Variants in NMT1 observed in about 807,000 individuals in gnomAD.
NMT1 encodes N-myristoyltransferase 1.
A neutral mutation model predicts 63.4 loss-of-function variants in NMT1; 12 were observed. The observed-to-expected ratio is 0.19, with a 90% CI of 0.12 to 0.31. NMT1 has a LOEUF of 0.31. NMT1 is among the 10% of genes least tolerant of loss of function. NMT1 has a pLI of 1.00. For missense variants in NMT1, 432 were observed against 634.6 expected, an observed-to-expected ratio of 0.68 and a Z score of 3.43; for synonymous variants, 228 against 234.3, an observed-to-expected ratio of 0.97 and a Z score of 0.25.
chr17:45,091,672 A>G (rs961210549), intron 3 of NMT1, among the ~76,000 whole-genome samples: 10 of 152,214 alleles, frequency 6.6e-5, no homozygotes, highest in Non-Finnish European at 1.0e-4. Flanking sequence ...TTTAATATAC[A>G]TAGCTGTCAG....
chr17:45,101,345 A>G (rs2054164439), intron 8 of NMT1, among the ~76,000 whole-genome samples: 1 of 146,916 alleles, frequency 6.8e-6, no homozygotes, highest in East Asian at 2.3e-4. Context: ...ATCCCTTCTC[A>G]GGTGGGCGGT....
chr17:45,063,741 C>T (rs925944550), intron 1 of NMT1, among the ~76,000 whole-genome samples: 1 of 151,774 alleles, frequency 6.6e-6, no homozygotes, highest in Non-Finnish European at 1.5e-5. Context: ...ACTAAAAATA[C>T]AAAATTTAGC....
chr17:45,084,857 TG>T (rs2054041935), intron 2 of NMT1, among the ~76,000 whole-genome samples: 2 of 152,122 alleles, frequency 1.3e-5, no homozygotes. Flanking sequence ...GAGAGCAAAT[TG>T]ATGATAAATC....
chr17:45,097,516 GT>G (rs1009662498), intron 6 of NMT1, among the ~76,000 whole-genome samples: 3 of 151,912 alleles, frequency 2.0e-5, no homozygotes, highest in Non-Finnish European at 4.4e-5. Flanking sequence ...TTTTGTTTTT[GT>G]TTATTATTTT....
In NMT1 at chr17:45,105,685, C is replaced by T; in HGVS notation, c.*46C>T. The T allele has an allele frequency of 6.3e-7, 1 of 1,590,506 alleles. No homozygotes were observed. The highest frequency in any genetic ancestry group is 8.6e-7 in the Non-Finnish European group (1 of 1,161,478). The stretch of plus-strand genomic sequence containing the variant: ...GGATAAAGCCACTGAAAATTCGAAC[C>T]AGGAAATGGAACCCCACCACTGTTG... On this transcript the variant is annotated 3_prime_UTR_variant, in exon 12 of 12. Coordinates refer to ENST00000258960, the MANE Select transcript of NMT1 (RefSeq NM_021079.5). This position sits in a 1 kb window ranked among gnomAD's most constrained non-coding sequence, Gnocchi z 4.2.
chr17:45,080,250 T>C (rs1413536904), intron 1 of NMT1, among the ~76,000 whole-genome samples: 1 of 151,742 alleles, frequency 6.6e-6, no homozygotes, highest in Non-Finnish European at 1.5e-5. Context: ...AACCTCTGCC[T>C]CCTGGGTTCA....
intron 1 of NMT1, among the ~76,000 whole-genome samples, chr17:45,074,316 G>A (rs953052649): frequency 1.3e-5 from 2 of 151,104 alleles, no homozygotes; most frequent in Non-Finnish European, 2.9e-5. Flanking sequence ...CTGGGTTCAC[G>A]CCATTCTCCT....
intron 3 of NMT1, among the ~76,000 whole-genome samples, chr17:45,087,198 C>A (rs946420880): frequency 1.3e-5 from 2 of 151,056 alleles, no homozygotes; most frequent in Admixed American, 6.6e-5. Context: ...AAAAAAAAAA[C>A]AAAACAAAAC....
chr17:45,104,978 C>G lies in NMT1; in HGVS notation c.1452C>G (p.Pro484=). Residue 484 remains proline, a synonymous_variant, in exon 11 of 12, where the codon CCC becomes CCG. Transcript: ENST00000258960. The surrounding 1 kb of genome is among the most constrained non-coding windows in gnomAD (Gnocchi z 4.2). ...ATTACCTTTACAATTGGAAATGCCC[C>G]AGCATGGGGGCAGAGAAGGTAGGCG... ...LQYYLYNWKC[P]SMGAEKVGLV... 1 of 1,614,156 alleles carries G rather than the reference C, an allele frequency of 6.2e-7. No homozygotes were observed. The highest frequency in any genetic ancestry group is 8.5e-7 in the Non-Finnish European group (1 of 1,180,018).
In NMT1 at chr17:45,096,229, T is replaced by C. The variant is rs151247418; in HGVS notation, c.540T>C (p.Tyr180=). Residue 180 remains tyrosine, a synonymous_variant, in exon 5 of 12, where the codon TAT becomes TAC. Coordinates refer to ENST00000258960, the MANE Select transcript of NMT1 (RefSeq NM_021079.5). ...TGTACACCCTCCTGAATGAGAACTA[T>C]GTGGAAGATGATGACAACATGTTCC... ...KELYTLLNEN[Y]VEDDDNMFRF... is the part of the protein sequence containing the mutation. The C allele has an allele frequency of 6.2e-7, 1 of 1,614,006 alleles. No homozygotes were observed. The highest frequency in any genetic ancestry group is 8.5e-7 in the Non-Finnish European group (1 of 1,179,956).
intron 1 of NMT1, among the ~76,000 whole-genome samples, chr17:45,068,165 C>T (rs1396243902): frequency 6.6e-6 from 1 of 152,098 alleles, no homozygotes; most frequent in Non-Finnish European, 1.5e-5. Context: ...TTGAGAGCGC[C>T]AAAAATACTA....
Position 45,097,050 on chromosome 17 carries a change from C to T in NMT1, c.597-78C>T, listed in dbSNP as rs994478045. On this transcript the variant is annotated intron_variant, in intron 5 of 11. Coordinates refer to ENST00000258960, the MANE Select transcript of NMT1 (RefSeq NM_021079.5). ...GGAGGTGGTAGCACCAGGTCCGAACCAAATTTGGCTGTGGAGCCCAAGCGG... is the reference window on the plus strand; with the variant it reads ...GGAGGTGGTAGCACCAGGTCCGAACTAAATTTGGCTGTGGAGCCCAAGCGG... 82 of 1,192,088 alleles carry T rather than the reference C, an allele frequency of 6.9e-5. No individual in the cohort carries two copies. The African/African-American group carries it at 1.2e-3, about 17-fold the overall frequency. The allele number at this position is 1,192,088 out of a possible 1,614,324, so 73.8% of individuals were successfully genotyped here.
intron 2 of NMT1, among the ~76,000 whole-genome samples, chr17:45,083,128 A>G (rs1410956298): frequency 2.6e-5 from 4 of 152,040 alleles, no homozygotes; most frequent in Admixed American, 2.6e-4. Flanking sequence ...CAGCCTGGCC[A>G]ACATGGTGAA....
At chr17:45,098,065 G>C (rs1230239950) in intron 6 of NMT1, among the ~76,000 whole-genome samples, 3 of 152,180 alleles carry the variant, frequency 2.0e-5, no homozygotes, top group African/African-American at 7.2e-5. Context: ...TGGGTTCCCT[G>C]TGCTGCTTCC....
intron 1 of NMT1, among the ~76,000 whole-genome samples, chr17:45,068,825 TTAA>T (rs1313604964): frequency 6.6e-6 from 1 of 152,166 alleles, no homozygotes; most frequent in African/African-American, 2.4e-5. Flanking sequence ...TTCTGTATTT[TTAA>T]TAGAGACACG....
chr17:45,080,405 CTGCCTTGG>C (rs1311588898), intron 1 of NMT1, among the ~76,000 whole-genome samples: 2 of 151,770 alleles, frequency 1.3e-5, no homozygotes, highest in Non-Finnish European at 2.9e-5. Context: ...GGTGATCCGC[CTGCCTTGG>C]CCTCCCAAAG....
At position 45,086,465 on chromosome 17, in the gene NMT1, T is replaced by C. The variant is rs1367351893; in HGVS notation, c.241-43T>C. On this transcript the variant is annotated intron_variant, in intron 2 of 11. Coordinates refer to ENST00000258960, the MANE Select transcript of NMT1 (RefSeq NM_021079.5). ...ACTCATAATTAATCAAAAGTCTTAC[T>C]AACATAATGGGCCTTTTTTCTCCCC... The C allele has an allele frequency of 5.1e-6, 8 of 1,566,658 alleles. No homozygotes were observed. In the African/African-American group the frequency reaches 9.6e-5, roughly 19 times the overall value.
chr17:45,097,332 C>G, intron 6 of NMT1, 88 bp downstream of exon 6: 3 of 1,022,386 alleles, frequency 2.9e-6, no homozygotes, highest in Non-Finnish European at 4.6e-6. Flanking sequence ...ACAATGTGCC[C>G]CATGAAAGGA....
intron 3 of NMT1, among the ~76,000 whole-genome samples, chr17:45,090,589 C>T (rs1299004760): frequency 6.6e-6 from 1 of 152,088 alleles, no homozygotes; most frequent in African/African-American, 2.4e-5. Flanking sequence ...CTCTCCTTGG[C>T]CTTTGTTTGG....
Sources: allele counts gnomAD v4.1 joint callset (sites outside exome capture counted in the v4.1 genomes callset), GRCh38; gene constraint gnomAD v4.1.1; non-coding constraint Gnocchi (gnomAD v3.1); transcripts MANE v1.5; gene names NCBI Gene and HGNC (gene_info 2026-07-23, HGNC 2026-07-21).